Variants in PODNL1 observed in about 807,000 individuals in gnomAD.
PODNL1 encodes podocan-like protein 1.
In PODNL1, 50 loss-of-function variants were observed where a neutral mutation model predicts 45.1. The ratio of observed to expected loss-of-function variants is 1.11; its 90% CI spans 0.88 to 1.40. The LOEUF (loss-of-function observed/expected upper bound fraction) is 1.40. PODNL1 is among the 40% of genes most tolerant of loss of function. The pLI, the probability that PODNL1 is intolerant of heterozygous loss-of-function variation, is 0.00. For synonymous variants in PODNL1, 406 were observed against 372.5 expected (o/e 1.09, Z -1.04); for missense variants, 788 against 793.3 (o/e 0.99, Z 0.08).
Position 13,937,796 on chromosome 19 carries a change from G to C in PODNL1, c.214C>G (p.Leu72Val), listed in dbSNP as rs756663992. ...PDNITRAAQH[L>V]SLQNNQLQEL... ...TCCGTGGGCCCCACCTGCAGGGAGA[G>C]GTGCTGAGCGGCTCTGGTGATGTTG... The change falls in exon 2 of 10, where the codon CTC (leucine) becomes GTC (valine). Residue 72 changes from leucine to valine, a missense_variant. Leu to Val is a conservative substitution (Grantham distance 32). This residue lies in a region of PODNL1 where 762 missense variants were observed against 750.9 expected (regional missense o/e 1.01). Transcript: ENST00000588872. 1.3e-6 allele frequency: 2 copies of C among 1,585,926 alleles called. No individual in the cohort carries two copies. Among genetic ancestry groups the C allele is most frequent in the African/African-American group, 2.7e-5 (2 of 74,652 alleles).
At chr19:13,952,487 T>C (rs1233416146) in intron 1 of PODNL1, 2 of 1,247,746 alleles carry the variant, frequency 1.6e-6, no homozygotes, top group Non-Finnish European at 2.0e-6. Flanking sequence ...GGCCGGTTGC[T>C]CCGGAAGTGG....
intron 3 of PODNL1, 75 bp downstream of exon 3, chr19:13,936,292 G>A (rs776128497): frequency 1.4e-4 from 198 of 1,372,086 alleles, no homozygotes; most frequent in Non-Finnish European, 1.9e-4. Context: ...CAGATGGGGC[G>A]GGGGAGGGGG....
chr19:13,933,830 C>T lies in PODNL1; in HGVS notation c.767+48G>A, dbSNP rs1177305267. The T allele has an allele frequency of 1.3e-6, 2 of 1,498,970 alleles. No individual in the cohort carries two copies. The highest frequency in any genetic ancestry group is 2.4e-5 in the East Asian group (1 of 41,034). The allele number at this position is 1,498,970 out of a possible 1,614,324, so 92.9% of individuals were successfully genotyped here. On this transcript the variant is annotated intron_variant, in intron 7 of 9. Transcript: ENST00000588872. This position sits in a 1 kb window ranked among gnomAD's most constrained non-coding sequence, Gnocchi z 5.2. ...GGGAAGGGGGACTGAAGGTTGGGAC[C>T]CCCGACTGTAAATTCTCAGCCCCTG...
At chr19:13,939,369 G>A (rs1344989050), upstream of PODNL1, among the ~76,000 whole-genome samples, 1 of 152,070 alleles carries the variant, frequency 6.6e-6, no homozygotes, top group Non-Finnish European at 1.5e-5. Context: ...CTCCCACCAT[G>A]CCCAGCTAAT....
rs1213912277 is a variant in PODNL1 at position 13,932,963 on chromosome 19, C to G, written c.1260G>C (p.Leu420=). 6.4e-7 allele frequency: 1 copy of G among 1,557,730 alleles called. No individual in the cohort carries two copies. The highest frequency in any genetic ancestry group is 1.2e-5 in the South Asian group (1 of 86,200). The change falls in exon 8 of 10, where the codon CTG becomes CTC. Residue 420 remains leucine (L), a synonymous_variant. Transcript: ENST00000588872. ...GCTGCAGGGTGCGCAGGCCAGTGGG[C>G]AGGCCCATGGGCAGCCGGGTTAGCT... ...GNQLTRLPMG[L]PTGLRTLQLQ...
At chr19:13,938,709 A>G (rs1016735376), upstream of PODNL1, among the ~76,000 whole-genome samples, 3 of 151,666 alleles carry the variant, frequency 2.0e-5, no homozygotes, top group South Asian at 6.2e-4. Context: ...GCTGCCCGGC[A>G]CCCACCTCCC....
chr19:13,935,737 C>A lies in PODNL1; in HGVS notation c.478G>T (p.Glu160Ter). The A allele has an allele frequency of 3.2e-6, 5 of 1,580,076 alleles. No homozygotes were observed. The highest frequency in any genetic ancestry group is 2.0e-5 in the Admixed American group (1 of 50,378). ...VMEIFPLTFG[E>*]KPALRSVYLH... ...AGGGTCTACCTGAGTGCCGGCTTCTCCCCAAAGGTGAGGGGGAAGATCTCC... is the reference window on the plus strand; with the variant it reads ...AGGGTCTACCTGAGTGCCGGCTTCTACCCAAAGGTGAGGGGGAAGATCTCC... Residue 160 changes from glutamate to a stop codon, truncating the protein, a stop_gained, in exon 5 of 10, where the codon GAG becomes TAG. Coordinates refer to ENST00000588872, the MANE Select transcript of PODNL1 (RefSeq NM_001370095.3). LOFTEE classifies it high-confidence loss of function.
At position 13,936,275 on chromosome 19, in the gene PODNL1, C is replaced by T; in HGVS notation, c.319+92G>A. On this transcript the variant is annotated intron_variant, in intron 3 of 9. Coordinates refer to ENST00000588872, the MANE Select transcript of PODNL1 (RefSeq NM_001370095.3). ...GGCAGTTCTGGGAACTGCCACAGAG[C>T]TGCCCGCAGATGGGGCGGGGGAGGG... 3 of 1,275,122 alleles carry T rather than the reference C, an allele frequency of 2.4e-6. No individual in the cohort carries two copies. In the South Asian group the frequency reaches 3.8e-5, roughly 16 times the overall value. 79.0% of individuals were successfully genotyped at this position (1,275,122 alleles called of 1,614,324 possible). A position where few individuals can be genotyped will look rare whatever the true frequency, so the allele number is the denominator to read the frequency against.
At chr19:13,948,016 T>G (rs1382885986) in intron 1 of PODNL1, among the ~76,000 whole-genome samples, 1 of 151,664 alleles carries the variant, frequency 6.6e-6, no homozygotes, top group East Asian at 1.9e-4. Flanking sequence ...CAGGCCCTCA[T>G]GCTAATTTCT....
Position 13,933,232 on chromosome 19 carries a change from C to T in PODNL1, c.991G>A (p.Gly331Ser). The change falls in exon 8 of 10, where the codon GGC becomes AGC. Residue 331 changes from glycine to serine, a missense_variant. By Grantham distance (56) the Gly-to-Ser change is moderately conservative (BLOSUM62 0). This residue lies in a region of PODNL1 where 762 missense variants were observed against 750.9 expected (regional missense o/e 1.01). Coordinates refer to ENST00000588872, the MANE Select transcript of PODNL1 (RefSeq NM_001370095.3). The surrounding 1 kb of genome is among the most constrained non-coding windows in gnomAD (Gnocchi z 5.2). ...CCATAGAGGTGCAGCGTGTGCAGGC[C>T]CCGCAGCGGCCGCAGAGCCCCGGCG... ...LPAGALRPLR[G>S]LHTLHLYGNG... 1 of 1,541,028 alleles carries T rather than the reference C, an allele frequency of 6.5e-7. No individual in the cohort carries two copies. Among genetic ancestry groups the T allele is most frequent in the Non-Finnish European group, 8.7e-7 (1 of 1,148,340 alleles).
chr19:13,933,548 G>T lies in PODNL1; in HGVS notation c.768-93C>A. The T allele has an allele frequency of 7.5e-7, 1 of 1,328,720 alleles. No homozygotes were observed. Among genetic ancestry groups the T allele is most frequent in the Non-Finnish European group, 1.0e-6 (1 of 987,692 alleles). The allele number at this position is 1,328,720 out of a possible 1,614,324, so 82.3% of individuals were successfully genotyped here. A position where few individuals can be genotyped will look rare whatever the true frequency, so the allele number is the denominator to read the frequency against. On this transcript the variant is annotated intron_variant, in intron 7 of 9. Coordinates refer to ENST00000588872, the MANE Select transcript of PODNL1 (RefSeq NM_001370095.3). The surrounding 1 kb of genome is among the most constrained non-coding windows in gnomAD (Gnocchi z 5.2). ...GAGGCTGGGGAGTGGTCCTGAGACAGATTTAAGCTGGAGATTTTGACTTGG... is the reference window on the plus strand; with the variant it reads ...GAGGCTGGGGAGTGGTCCTGAGACATATTTAAGCTGGAGATTTTGACTTGG...
At chr19:13,953,260 C>T (rs1973172132) in exon 1 of PODNL1, 10 of 966,014 alleles carry the variant, frequency 1.0e-5, no homozygotes, top group Non-Finnish European at 1.5e-5. Context: ...TGTCTCTCTC[C>T]CCCATCAGTT....
At chr19:13,941,797 T>C (rs1295273235), upstream of PODNL1, among the ~76,000 whole-genome samples, 2 of 151,916 alleles carry the variant, frequency 1.3e-5, no homozygotes, top group African/African-American at 4.8e-5. Flanking sequence ...TGGGCGACAG[T>C]GCAAGACTCC....
intron 1 of PODNL1, chr19:13,949,757 T>C (rs1404455909): frequency 6.6e-6 from 1 of 152,208 alleles, no homozygotes; most frequent in East Asian, 1.9e-4. Context: ...TGGAGCGCAG[T>C]GGCTCAATCT....
intron 1 of PODNL1, among the ~76,000 whole-genome samples, chr19:13,951,863 G>T (rs1268043593): frequency 6.6e-6 from 1 of 152,204 alleles, no homozygotes; most frequent in Non-Finnish European, 1.5e-5. Context: ...TGCATAATTG[G>T]CACAACAGGG....
intron 1 of PODNL1, chr19:13,952,455 G>A (rs547928666): frequency 2.4e-6 from 3 of 1,245,298 alleles, no homozygotes; most frequent in South Asian, 7.9e-5. Flanking sequence ...CCAATGAGGA[G>A]GCGGCAGGGG....
Position 13,932,476 on chromosome 19 carries a change from C to T in PODNL1, c.1425+322G>A, listed in dbSNP as rs1188557184. The T allele has an allele frequency of 7.9e-6, 5 of 630,016 alleles. No homozygotes were observed. In the African/African-American group the frequency reaches 9.2e-5, roughly 12 times the overall value. 39.0% of individuals were successfully genotyped at this position (630,016 alleles called of 1,614,324 possible). ...TTCTGGGCTCAAGCGATCCTCCTGC[C>T]TCAGCCTCCTGAATAGCTGGGACTA... is the stretch of plus-strand genomic sequence containing the variant. On this transcript the variant is annotated intron_variant, in intron 8 of 9. Transcript: ENST00000588872.
At chr19:13,932,241 C>A in intron 8 of PODNL1, 129 bp from the exon 9 acceptor site, 1 of 1,181,556 alleles carries the variant, frequency 8.5e-7, no homozygotes. Context: ...CCCCCACCCC[C>A]CATGATTGCC....
chr19:13,952,434 C>T (rs895959821), intron 1 of PODNL1: 4 of 1,241,120 alleles, frequency 3.2e-6, no homozygotes, highest in East Asian at 6.3e-5. Flanking sequence ...GGCCGCTGTC[C>T]CGAAAAAGGA....
Sources: gnomAD v4.1 joint callset for allele counts (sites outside exome capture counted in the v4.1 genomes callset) on GRCh38, gnomAD v4.1.1 for gene constraint, gnomAD v4.1.1 regional missense constraint, Gnocchi (gnomAD v3.1) non-coding constraint, MANE v1.5 for transcripts, NCBI Gene and HGNC (gene_info 2026-07-23, HGNC 2026-07-21) for gene names.